Variants in CRYBG3 observed in about 807,000 individuals in gnomAD.
CRYBG3 encodes crystallin beta-gamma domain containing 3.
Under a neutral mutation model 244.2 loss-of-function variants are expected in CRYBG3, and 127 were observed. The observed-to-expected ratio is 0.52, with a 90% confidence interval of 0.45 to 0.60. The LOEUF (loss-of-function observed/expected upper bound fraction) is 0.60, where lower values mean the gene tolerates loss of function less well. Among genes scored for constraint, CRYBG3 ranks in the 20% least tolerant of loss-of-function variants. CRYBG3 has a pLI of 0.00. For synonymous variants in CRYBG3, 1,132 were observed against 1,195.8 expected (o/e 0.95, Z 1.10); for missense variants, 3,325 against 3,442.5 (o/e 0.97, Z 0.85).
chr3:97,896,073 G>T lies in CRYBG3; in HGVS notation c.7689G>T (p.Arg2563=). The T allele has an allele frequency of 6.2e-7, 1 of 1,608,846 alleles. No homozygotes were observed. The highest frequency in any genetic ancestry group is 2.2e-5 in the East Asian group (1 of 44,698). ...TAAGTAGCCCTATCTTGTCTTTCCG[G>T]TACTTACAAGCTGTGAGTTAGCTTC... ...GALSSPILSF[R]YLQANFIESS... Residue 2563 remains arginine (R), a synonymous_variant, in exon 12 of 22, where the codon CGG becomes CGT. Transcript: ENST00000389622.
chr3:97,828,979 GT>G (rs1306340872), intron 1 of CRYBG3, among the ~76,000 whole-genome samples: 1 of 152,070 alleles, frequency 6.6e-6, no homozygotes, highest in Non-Finnish European at 1.5e-5. Context: ...TATTTTGGGG[GT>G]ATGGGGAACT....
At chr3:97,942,741 T>C (rs1658328674) in intron 21 of CRYBG3, 1 of 255,320 alleles carries the variant, frequency 3.9e-6, no homozygotes, top group Non-Finnish European at 7.3e-6. Context: ...GTCATCTGTT[T>C]CTTAGAAACA....
chr3:97,899,363 A>C, intron 14 of CRYBG3, 100 bp downstream of exon 14: 9 of 1,257,886 alleles, frequency 7.2e-6, no homozygotes, highest in Non-Finnish European at 7.8e-6. Context: ...GAATGATGTC[A>C]TGTGTGTATA....
Position 97,873,739 on chromosome 3 carries a change from A to C in CRYBG3, c.2545A>C (p.Arg849=). Residue 849 remains arginine (R), a synonymous_variant, in exon 4 of 22, where the codon AGA becomes CGA. Transcript: ENST00000389622. ...GGTATCTCTTTCAAAAGTGGAGCCC[A>C]GAAACATTTCTCAGGATAAAATGTC... The part of the protein sequence containing the change: ...SKVSLSKVEP[R]NISQDKMSSF... 1 of 1,535,790 alleles carries C rather than the reference A, an allele frequency of 6.5e-7. No homozygotes were observed. Among genetic ancestry groups the C allele is most frequent in the South Asian group, 1.2e-5 (1 of 83,976 alleles).
intron 9 of CRYBG3, 35 bp from the exon 10 acceptor site, chr3:97,889,320 A>T: frequency 6.7e-7 from 1 of 1,497,772 alleles, no homozygotes; most frequent in Non-Finnish European, 9.3e-7. Flanking sequence ...TTAAATATTT[A>T]CCTGTCTAAT....
chr3:97,899,896 CCTT>C (rs1339291873), intron 14 of CRYBG3, among the ~76,000 whole-genome samples: 5 of 152,292 alleles, frequency 3.3e-5, no homozygotes, highest in Non-Finnish European at 5.9e-5. Context: ...AATTCACACT[CCTT>C]CTTTGTAATG....
chr3:97,898,880 T>A lies in CRYBG3; in HGVS notation c.7702-3T>A. On this transcript the variant is annotated splice_polypyrimidine_tract_variant and splice_region_variant and intron_variant, in intron 12 of 21. Transcript: ENST00000389622. The stretch of plus-strand genomic sequence containing the variant: ...TCCTAAACTTTCCTCTTTCTCCTTT[T>A]AGAATTTTATAGAATCTTCTGTCAC... The A allele has an allele frequency of 6.3e-7, 1 of 1,577,402 alleles. No individual in the cohort carries two copies. Among genetic ancestry groups the A allele is most frequent in the Non-Finnish European group, 8.6e-7 (1 of 1,162,102 alleles).
intron 1 of CRYBG3, among the ~76,000 whole-genome samples, chr3:97,831,223 G>C (rs1487912771): frequency 6.6e-6 from 1 of 152,122 alleles, no homozygotes; most frequent in African/African-American, 2.4e-5. Flanking sequence ...ACAAAGGCCT[G>C]GGACAAAGTC....
chr3:97,843,312 CT>C (rs2038848121), intron 2 of CRYBG3, 51 bp downstream of exon 2: 1 of 842,912 alleles, frequency 1.2e-6, no homozygotes, highest in Admixed American at 2.7e-5. Context: ...TCTTAAATTG[CT>C]GTTAATTCTT....
rs990177203 is a variant in CRYBG3, at chr3:97,864,679, A to T, written c.647+32A>T. The T allele has an allele frequency of 2.1e-6, 3 of 1,461,700 alleles. No homozygotes were observed. The African/African-American group carries it at 4.3e-5, about 21-fold the overall frequency. 90.5% of individuals were successfully genotyped at this position (1,461,700 alleles called of 1,614,324 possible). ...TTAAAATTTCATTGAACCAAAAAAA[A>T]TTGAGCTTTTTGGACCTAGCTTTTG... is the stretch of plus-strand genomic sequence containing the variant. On this transcript the variant is annotated intron_variant, in intron 3 of 21. Transcript: ENST00000389622.
At chr3:97,849,330 A>G (rs1402376232) in intron 2 of CRYBG3, among the ~76,000 whole-genome samples, 1 of 152,232 alleles carries the variant, frequency 6.6e-6, no homozygotes, top group East Asian at 1.9e-4. Context: ...TAGAAGGCAC[A>G]TATTTGAAAT....
At chr3:97,838,293 AT>A (rs1559713984) in intron 1 of CRYBG3, among the ~76,000 whole-genome samples, 3 of 152,266 alleles carry the variant, frequency 2.0e-5, no homozygotes, top group Admixed American at 2.0e-4. Flanking sequence ...CACACTTAAC[AT>A]CTTTAAATAA....
At chr3:97,828,375 G>A (rs2038606040) in intron 1 of CRYBG3, among the ~76,000 whole-genome samples, 1 of 152,032 alleles carries the variant, frequency 6.6e-6, no homozygotes, top group Non-Finnish European at 1.5e-5. Flanking sequence ...TGTTTTAATA[G>A]CAAAAGATGA....
chr3:97,877,912 T>G lies in CRYBG3; in HGVS notation c.6718T>G (p.Tyr2240Asp). ...HSSLKSAYHQYLQTSQSHSSE... is the reference protein window; with the variant it reads ...HSSLKSAYHQDLQTSQSHSSE... Reference sequence around the variant, plus strand: ...TTCTTTAAAGAGTGCTTATCATCAGTATCTGCAGACTTCCCAAAGTCATTC... The same window carrying G: ...TTCTTTAAAGAGTGCTTATCATCAGGATCTGCAGACTTCCCAAAGTCATTC... The change falls in exon 4 of 22, where the codon TAT becomes GAT. Residue 2240 changes from tyrosine (Y) to aspartate (D), a missense_variant. Tyr to Asp is a radical substitution (Grantham distance 160, BLOSUM62 -3). Transcript: ENST00000389622. 1.2e-6 allele frequency: 2 copies of G among 1,614,110 alleles called. No homozygotes were observed. The highest frequency in any genetic ancestry group is 1.7e-6 in the Non-Finnish European group (2 of 1,179,984).
chr3:97,930,619 C>A (rs780322640), intron 17 of CRYBG3, among the ~76,000 whole-genome samples: 1 of 152,044 alleles, frequency 6.6e-6, no homozygotes, highest in Non-Finnish European at 1.5e-5. Context: ...TTGTTACATT[C>A]TTTGCCAGTA....
intron 1 of CRYBG3, among the ~76,000 whole-genome samples, chr3:97,834,848 A>G (rs758436705): frequency 4.6e-5 from 7 of 152,116 alleles, no homozygotes; most frequent in African/African-American, 7.2e-5. Flanking sequence ...TTTTTCATCA[A>G]CTATGCTACT....
chr3:97,822,150 A>T lies in CRYBG3; in HGVS notation c.-57A>T. ...GGCGCCCGGTCGGGCTCCGGGCACC[A>T]GGCAACACCTAGGCCGTTCCCTTCA... is the stretch of plus-strand genomic sequence containing the variant. On this transcript the variant is annotated 5_prime_UTR_variant, in exon 1 of 22. Coordinates refer to ENST00000389622, the MANE Select transcript of CRYBG3 (RefSeq NM_153605.4). 1 of 1,380,874 alleles carries T rather than the reference A, an allele frequency of 7.2e-7. No individual in the cohort carries two copies. The highest frequency in any genetic ancestry group is 9.4e-7 in the Non-Finnish European group (1 of 1,065,798). The allele number at this position is 1,380,874 out of a possible 1,614,324, so 85.5% of individuals were successfully genotyped here.
chr3:97,887,743 C>A (rs565378140), intron 8 of CRYBG3, among the ~76,000 whole-genome samples: 11 of 152,022 alleles, frequency 7.2e-5, no homozygotes, highest in African/African-American at 2.7e-4. Context: ...GCAACAAGAG[C>A]AAAACTCTGT....
chr3:97,847,140 G>A (rs918883112), intron 2 of CRYBG3, among the ~76,000 whole-genome samples: 2 of 152,044 alleles, frequency 1.3e-5, no homozygotes, highest in Non-Finnish European at 2.9e-5. Context: ...CATCCATGAG[G>A]GTTCTGCCCC....
Sources: gnomAD v4.1 joint callset for allele counts (sites outside exome capture counted in the v4.1 genomes callset) on GRCh38, gnomAD v4.1.1 for gene constraint, MANE v1.5 for transcripts, NCBI Gene and HGNC (gene_info 2026-07-23, HGNC 2026-07-21) for gene names.